The following FAM107B variants were observed in gnomAD, a reference collection of about 807,000 sequenced individuals.
The protein encoded by FAM107B is family with sequence similarity 107 member B.
FAM107B carries 21 observed loss-of-function variants against 31.5 expected under a neutral mutation model. That is an observed-to-expected ratio of 0.67 (90% CI 0.47 to 0.96). FAM107B has a LOEUF of 0.96. Among genes scored for constraint, FAM107B ranks in the 40% least tolerant of loss-of-function variants. The probability of loss-of-function intolerance (pLI) is 0.00; values close to 1 mark genes in which losing one functional copy is unlikely to be tolerated. For synonymous variants in FAM107B, 157 were observed against 141.5 expected, an observed-to-expected ratio of 1.11 and a Z score of -0.78; for missense variants, 452 against 377.1, an observed-to-expected ratio of 1.20 and a Z score of -1.64.
At chr10:14,734,655 C>A (rs1856256786) in intron 1 of FAM107B, among the ~76,000 whole-genome samples, 1 of 152,096 alleles carries the variant, frequency 6.6e-6, no homozygotes, top group Non-Finnish European at 1.5e-5. Flanking sequence ...TGCTCCAGAA[C>A]TTAGGGCACA....
At chr10:14,544,862 T>C (rs142956127) in intron 2 of FAM107B, among the ~76,000 whole-genome samples, 2 of 152,270 alleles carry the variant, frequency 1.3e-5, no homozygotes, top group Admixed American at 1.3e-4. Context: ...AGAAAAACAT[T>C]AGGCTCCAAA....
chr10:14,628,273 C>A (rs1165183602), intron 2 of FAM107B, among the ~76,000 whole-genome samples: 1 of 151,878 alleles, frequency 6.6e-6, no homozygotes, highest in South Asian at 2.1e-4. Context: ...CCCACCATCA[C>A]GCCCAGCTAA....
intron 2 of FAM107B, among the ~76,000 whole-genome samples, chr10:14,639,354 C>T (rs1400861206): frequency 6.6e-6 from 1 of 152,190 alleles, no homozygotes; most frequent in Non-Finnish European, 1.5e-5. Flanking sequence ...CCATGCTTTA[C>T]ATCTTTATAT....
intron 1 of FAM107B, among the ~76,000 whole-genome samples, chr10:14,683,873 C>T (rs968754123): frequency 5.3e-5 from 8 of 152,200 alleles, no homozygotes; most frequent in African/African-American, 1.9e-4. Flanking sequence ...GCATGTCCCC[C>T]GGCCTTAAGC....
At chr10:14,669,785 G>C (rs1854498414) in intron 1 of FAM107B, among the ~76,000 whole-genome samples, 1 of 152,220 alleles carries the variant, frequency 6.6e-6, no homozygotes, top group Non-Finnish European at 1.5e-5. Context: ...AAAGGGTGCG[G>C]TGTGGGGAAT....
chr10:14,547,366 C>T (rs1848793208), intron 2 of FAM107B, among the ~76,000 whole-genome samples: 4 of 152,112 alleles, frequency 2.6e-5, no homozygotes, highest in Admixed American at 2.6e-4. Context: ...GCCAGTCATT[C>T]TATCATTTTG....
chr10:14,637,763 G>A (rs1476681096), intron 2 of FAM107B, among the ~76,000 whole-genome samples: 1 of 152,116 alleles, frequency 6.6e-6, no homozygotes, highest in African/African-American at 2.4e-5. Flanking sequence ...GACATGTTGG[G>A]GTGGTGTATA....
chr10:14,716,856 G>A (rs954867113), intron 1 of FAM107B, among the ~76,000 whole-genome samples: 9 of 152,234 alleles, frequency 5.9e-5, no homozygotes, highest in East Asian at 1.9e-4. Context: ...TTGGGAGGAC[G>A]AGACAGGTTG....
chr10:14,655,474 C>T (rs1409212372), intron 2 of FAM107B, among the ~76,000 whole-genome samples: 1 of 152,218 alleles, frequency 6.6e-6, no homozygotes, highest in Non-Finnish European at 1.5e-5. Context: ...GGCTGGAGCG[C>T]AGTGGCGCAA....
At position 14,707,958 on chromosome 10, in the gene FAM107B, T is replaced by A. The variant is rs538705758; in HGVS notation, c.412-40267A>T. Among the ~76,000 whole-genome samples, 4 of 152,300 alleles carry A rather than the reference T, an allele frequency of 2.6e-5. No individual in the cohort carries two copies. The East Asian group carries it at 7.7e-4, about 29-fold the overall frequency. On this transcript the variant is annotated intron_variant, in intron 1 of 4. Transcript: ENST00000181796. ...GTGGAAGGCACAGCATGTGTTAAAA[T>A]AGCTAGGACTGGCCCTGCCTTCAGC...
At chr10:14,748,012 T>C (rs1832760590) in intron 1 of FAM107B, among the ~76,000 whole-genome samples, 1 of 152,218 alleles carries the variant, frequency 6.6e-6, no homozygotes, top group African/African-American at 2.4e-5. Flanking sequence ...CTCACCCTCC[T>C]TTGCCCTGGC....
At chr10:14,685,531 T>A (rs932440013) in intron 1 of FAM107B, among the ~76,000 whole-genome samples, 1 of 151,956 alleles carries the variant, frequency 6.6e-6, no homozygotes, top group South Asian at 2.1e-4. Flanking sequence ...CACACAACCA[T>A]AAAGAAAGGC....
At chr10:14,552,471 G>GA (rs11404049) in intron 2 of FAM107B, among the ~76,000 whole-genome samples, 118,885 of 149,386 alleles carry the variant, frequency 0.8, 47,716 homozygotes, top group East Asian at 0.89. Flanking sequence ...ACCCAACAAT[G>GA]AAAAAAAAAA....
chr10:14,522,574 C>G (rs541716514), intron 3 of FAM107B, among the ~76,000 whole-genome samples: 1 of 152,066 alleles, frequency 6.6e-6, no homozygotes, highest in Non-Finnish European at 1.5e-5. Flanking sequence ...CACCACCACG[C>G]CCGGCTAATT....
chr10:14,551,644 T>C (rs547674178), intron 2 of FAM107B, among the ~76,000 whole-genome samples: 1 of 151,856 alleles, frequency 6.6e-6, no homozygotes, highest in East Asian at 1.9e-4. Flanking sequence ...ATCTTTAGAA[T>C]TGAAGACATA....
chr10:14,564,365 G>T (rs1228964416), intron 2 of FAM107B, among the ~76,000 whole-genome samples: 4 of 151,984 alleles, frequency 2.6e-5, no homozygotes, highest in Middle Eastern at 3.4e-3. Context: ...TGAATAATTA[G>T]GCCCCCAAAT....
At chr10:14,633,791 T>C (rs1055859843) in intron 2 of FAM107B, among the ~76,000 whole-genome samples, 1 of 152,248 alleles carries the variant, frequency 6.6e-6, no homozygotes, top group Non-Finnish European at 1.5e-5. Context: ...GAGAAGATAT[T>C]GATTCAATAG....
chr10:14,641,171 T>C (rs915913913), intron 2 of FAM107B, among the ~76,000 whole-genome samples: 3 of 152,240 alleles, frequency 2.0e-5, no homozygotes, highest in Non-Finnish European at 4.4e-5. Flanking sequence ...CCTTCTGTAG[T>C]TTTTTTCTTA....
intron 2 of FAM107B, among the ~76,000 whole-genome samples, chr10:14,549,831 C>A (rs994735308): frequency 2.6e-5 from 4 of 152,158 alleles, no homozygotes; most frequent in South Asian, 2.1e-4. Context: ...CAGTAACAGA[C>A]ACAGGAAAAC....
Sources: allele counts gnomAD v4.1 joint callset (sites outside exome capture counted in the v4.1 genomes callset), GRCh38; gene constraint gnomAD v4.1.1; transcripts MANE v1.5; gene names NCBI Gene and HGNC (gene_info 2026-07-23, HGNC 2026-07-21).